The following DPP10 variants were observed in gnomAD, a reference collection of about 807,000 sequenced individuals.
DPP10 encodes inactive dipeptidyl peptidase 10.
In DPP10, 33 loss-of-function variants were observed where a neutral mutation model predicts 120.9. The ratio of observed to expected loss-of-function variants is 0.27; its 90% confidence interval spans 0.21 to 0.37. The LOEUF (loss-of-function observed/expected upper bound fraction) is 0.37, where lower values mean the gene tolerates loss of function less well. DPP10 is among the 10% of genes least tolerant of loss of function. The probability of loss-of-function intolerance (pLI) is 1.00; values close to 1 mark genes in which losing one functional copy is unlikely to be tolerated. For missense variants in DPP10, 816 were observed against 942.8 expected (o/e 0.87, Z 1.76); for synonymous variants, 337 against 326.1 (o/e 1.03, Z -0.36).
At chr2:114,982,575 T>C (rs2104865451) in intron 1 of DPP10, among the ~76,000 whole-genome samples, 1 of 152,168 alleles carries the variant, frequency 6.6e-6, no homozygotes, top group South Asian at 2.1e-4. Context: ...ATCAAAATTA[T>C]TTTTTACTTC....
chr2:115,783,166 A>G (rs1575764084), intron 17 of DPP10, among the ~76,000 whole-genome samples: 1 of 151,606 alleles, frequency 6.6e-6, no homozygotes, highest in Non-Finnish European at 1.5e-5. Flanking sequence ...AATGGCTCAT[A>G]TTTATTGACT....
At chr2:114,929,333 A>G (rs1695889702) in intron 1 of DPP10, among the ~76,000 whole-genome samples, 1 of 152,202 alleles carries the variant, frequency 6.6e-6, no homozygotes, top group South Asian at 2.1e-4. Flanking sequence ...GCAGATGACC[A>G]GCCTGACTAG....
At chr2:115,813,022 C>T (rs1227006493) in intron 19 of DPP10, among the ~76,000 whole-genome samples, 2 of 132,080 alleles carry the variant, frequency 1.5e-5, no homozygotes, top group Admixed American at 8.1e-5. Flanking sequence ...TCGCCCAGGC[C>T]GGACTGCGGA....
intron 3 of DPP10, among the ~76,000 whole-genome samples, chr2:115,485,394 C>A (rs1480923491): frequency 6.6e-6 from 1 of 152,086 alleles, no homozygotes; most frequent in Non-Finnish European, 1.5e-5. Context: ...ATATTAGTAA[C>A]CATCCTATAA....
At chr2:114,660,544 G>T (rs1697322837) in intron 1 of DPP10, among the ~76,000 whole-genome samples, 1 of 152,126 alleles carries the variant, frequency 6.6e-6, no homozygotes, top group Non-Finnish European at 1.5e-5. Flanking sequence ...GAAGTGCAAA[G>T]GGCTTAGAAA....
intron 4 of DPP10, among the ~76,000 whole-genome samples, chr2:115,524,477 C>T (rs956770252): frequency 1.3e-5 from 2 of 152,102 alleles, no homozygotes; most frequent in African/African-American, 4.8e-5. Context: ...GGGTACATCA[C>T]CCTCCCAATG....
chr2:114,667,381 T>C (rs751181319), intron 1 of DPP10, among the ~76,000 whole-genome samples: 4 of 152,220 alleles, frequency 2.6e-5, no homozygotes, highest in Non-Finnish European at 5.9e-5. Context: ...TTCTAGTTGA[T>C]GTAACCTGAA....
intron 5 of DPP10, among the ~76,000 whole-genome samples, chr2:115,589,999 C>T (rs2082532530): frequency 6.6e-6 from 1 of 151,978 alleles, no homozygotes; most frequent in African/African-American, 2.4e-5. Context: ...CTTTGAAGCA[C>T]ATTAATTCTT....
intron 1 of DPP10, among the ~76,000 whole-genome samples, chr2:114,491,106 C>T (rs1335489544): frequency 6.6e-6 from 1 of 152,042 alleles, no homozygotes; most frequent in Non-Finnish European, 1.5e-5. Context: ...AAGAAATTTG[C>T]CTTATCAAGG....
At chr2:114,898,652 G>A (rs1693267702) in intron 1 of DPP10, among the ~76,000 whole-genome samples, 1 of 152,182 alleles carries the variant, frequency 6.6e-6, no homozygotes, top group Admixed American at 6.5e-5. Flanking sequence ...TCTATATTGG[G>A]TAGGACAATT....
chr2:115,367,367 G>A (rs2106380427), intron 3 of DPP10, among the ~76,000 whole-genome samples: 1 of 152,032 alleles, frequency 6.6e-6, no homozygotes, highest in Non-Finnish European at 1.5e-5. Flanking sequence ...GTTCTTCCCA[G>A]TGTCTTAAAG....
chr2:115,524,200 C>G (rs551258255), intron 4 of DPP10, among the ~76,000 whole-genome samples: 163 of 152,278 alleles, frequency 1.1e-3, no homozygotes, highest in Non-Finnish European at 1.9e-3. Flanking sequence ...CTCAATTCCC[C>G]TGGTCTGTCC....
chr2:115,811,019 A>G (rs1686585785), intron 19 of DPP10, among the ~76,000 whole-genome samples: 1 of 152,196 alleles, frequency 6.6e-6, no homozygotes, highest in Non-Finnish European at 1.5e-5. Flanking sequence ...TTCCTATTTT[A>G]CTGAATAAGC....
intron 5 of DPP10, among the ~76,000 whole-genome samples, chr2:115,654,721 A>G (rs72950118): frequency 1.3e-5 from 2 of 151,784 alleles, no homozygotes; most frequent in South Asian, 4.1e-4. Flanking sequence ...CATGAAGAGG[A>G]CCAATAGTAG....
chr2:115,318,750 T>C (rs2061919181), intron 2 of DPP10, among the ~76,000 whole-genome samples: 1 of 152,278 alleles, frequency 6.6e-6, no homozygotes, highest in African/African-American at 2.4e-5. Context: ...ACTGATTGTT[T>C]AGTGTTGACC....
chr2:115,730,951 G>A (rs1332198595), intron 8 of DPP10, among the ~76,000 whole-genome samples: 2 of 152,210 alleles, frequency 1.3e-5, no homozygotes, highest in Non-Finnish European at 2.9e-5. Context: ...CGCACCCAGT[G>A]CTGTGGCTCA....
chr2:114,949,667 C>A (rs1405916312), intron 1 of DPP10, among the ~76,000 whole-genome samples: 1 of 152,094 alleles, frequency 6.6e-6, no homozygotes, highest in East Asian at 1.9e-4. Context: ...ACATTTATTA[C>A]CCCAAATTCT....
Position 114,870,674 on chromosome 2 carries a change from TGAG to T in DPP10, c.60+427837_60+427839del, listed in dbSNP as rs1310903367. Among the ~76,000 whole-genome samples, 4 of 135,290 alleles carry T rather than the reference TGAG, an allele frequency of 3.0e-5. 1 individual carries two copies. Among genetic ancestry groups the T allele is most frequent in the African/African-American group, 1.0e-4 (4 of 38,542 alleles). 88.8% of individuals were successfully genotyped at this position (135,290 alleles called of 152,430 possible). A position where few individuals can be genotyped will look rare whatever the true frequency, so the allele number is the denominator to read the frequency against. ...ATTTTGATAATATCACAAAAGAGGA[TGAG>T]TTTCTGTTTTTACTAAAAAAAATGA... On this transcript the variant is annotated intron_variant, in intron 1 of 25. Coordinates refer to ENST00000410059, the MANE Select transcript of DPP10 (RefSeq NM_020868.6).
chr2:115,222,905 C>T (rs1009344686), intron 1 of DPP10, among the ~76,000 whole-genome samples: 6 of 151,856 alleles, frequency 4.0e-5, no homozygotes, highest in African/African-American at 7.2e-5. Context: ...AATCAGTTGC[C>T]GATTGCTTTT....
Sources: gnomAD v4.1 joint callset for allele counts (sites outside exome capture counted in the v4.1 genomes callset) on GRCh38, gnomAD v4.1.1 for gene constraint, MANE v1.5 for transcripts, NCBI Gene and HGNC (gene_info 2026-07-23, HGNC 2026-07-21) for gene names.